ERCC6: variants seen among roughly 807,000 people sequenced by gnomAD.
ERCC6 encodes the protein ERCC excision repair 6, chromatin remodeling factor, also known as DNA excision repair protein ERCC-6.
In ERCC6, 116 loss-of-function variants were observed where a neutral mutation model predicts 158.7. That is an observed-to-expected ratio of 0.73 (90% CI 0.63 to 0.85). ERCC6 has a LOEUF of 0.85. Ranked by LOEUF, ERCC6 falls within the 40% of genes least tolerant of loss-of-function variation. The probability of loss-of-function intolerance (pLI) is 0.00; values close to 1 mark genes in which losing one functional copy is unlikely to be tolerated. For missense variants in ERCC6, 1,698 were observed against 1,799.4 expected (o/e 0.94, Z 1.02); for synonymous variants, 678 against 659.3 (o/e 1.03, Z -0.43).
intron 1 of ERCC6, among the ~76,000 whole-genome samples, chr10:49,535,599 G>A (rs1231832436): frequency 6.6e-6 from 1 of 152,006 alleles, no homozygotes; most frequent in Non-Finnish European, 1.5e-5. Flanking sequence ...ACACACATGA[G>A]GATTTCTTTT....
At chr10:49,497,529 G>C (rs1042374501) in intron 7 of ERCC6, among the ~76,000 whole-genome samples, 18 of 152,170 alleles carry the variant, frequency 1.2e-4, no homozygotes, top group African/African-American at 4.3e-4. Context: ...GCATTATCAA[G>C]ATGCCCTTTA....
intron 5 of ERCC6, among the ~76,000 whole-genome samples, chr10:49,509,366 C>T (rs749853726): frequency 3.9e-5 from 6 of 152,170 alleles, no homozygotes; most frequent in Non-Finnish European, 8.8e-5. Context: ...AAGCAAGTTA[C>T]GTATGTGGCC....
chr10:49,460,799 T>C (rs1053457668), intron 19 of ERCC6, among the ~76,000 whole-genome samples: 14 of 151,746 alleles, frequency 9.2e-5, no homozygotes, highest in African/African-American at 3.4e-4. Context: ...CGGGAGCCTG[T>C]AATCCCAGCT....
At chr10:49,494,565 C>G (rs1311693992) in intron 7 of ERCC6, among the ~76,000 whole-genome samples, 1 of 152,118 alleles carries the variant, frequency 6.6e-6, no homozygotes, top group East Asian at 1.9e-4. Flanking sequence ...AGGTGCCCTC[C>G]TTCTTCCTTA....
At chr10:49,464,154 A>G (rs566904880) in intron 18 of ERCC6, among the ~76,000 whole-genome samples, 1 of 152,312 alleles carries the variant, frequency 6.6e-6, no homozygotes, top group South Asian at 2.1e-4. Context: ...TATGAACAGT[A>G]AGGTCCAAAC....
chr10:49,476,336 T>A (rs774636240), intron 11 of ERCC6, 26 bp from the exon 12 acceptor site: 10 of 1,508,758 alleles, frequency 6.6e-6, no homozygotes, highest in Non-Finnish European at 9.2e-6. Context: ...ACAAGGAAAC[T>A]ATAATTTCAA....
Position 49,455,942 on chromosome 10 carries a change from C to A in ERCC6, c.*2873G>T, listed in dbSNP as rs543161974. The A allele has an allele frequency of 5.9e-5, 9 of 152,292 alleles. No homozygotes were observed. In the South Asian group the frequency reaches 1.9e-3, roughly 32 times the overall value. 9.4% of individuals were successfully genotyped at this position (152,292 alleles called of 1,614,324 possible). On this transcript the variant is annotated 3_prime_UTR_variant, in exon 21 of 21. Coordinates refer to ENST00000355832, the MANE Select transcript of ERCC6 (RefSeq NM_000124.4). ...TTTATGGAGGGTGAATTGATGCAAG[C>A]AATTCTGCTACATCCACTGACATTT...
chr10:49,470,261 C>T lies in ERCC6; in HGVS notation c.3699G>A (p.Lys1233=), dbSNP rs762588948. 3.7e-6 allele frequency: 6 copies of T among 1,614,054 alleles called. No homozygotes were observed. Among genetic ancestry groups the T allele is most frequent in the African/African-American group, 1.3e-5 (1 of 74,926 alleles). The change falls in exon 18 of 21, where the codon AAG becomes AAA. Residue 1233 remains lysine (K), a synonymous_variant. Coordinates refer to ENST00000355832, the MANE Select transcript of ERCC6 (RefSeq NM_000124.4). ...CCTCACTCTTGTTTTCACTGTCTTG[C>T]TTCTGGTAACGCCTTTTCTTCACCA... ...PHLVKKRRYQ[K]QDSENKSEAK...
At chr10:49,511,277 G>C (rs1564434064) in intron 5 of ERCC6, among the ~76,000 whole-genome samples, 1 of 151,998 alleles carries the variant, frequency 6.6e-6, no homozygotes, top group African/African-American at 2.4e-5. Context: ...CTTATGATGG[G>C]AAAAAAGTCT....
At chr10:49,482,666 A>G (rs1445750987) in intron 10 of ERCC6, 21 bp downstream of exon 10, 3 of 1,609,612 alleles carry the variant, frequency 1.9e-6, no homozygotes, top group African/African-American at 2.7e-5. Flanking sequence ...TGCCAAAAGT[A>G]TTATCATCCT....
chr10:49,518,373 C>T (rs1293812359), intron 5 of ERCC6, among the ~76,000 whole-genome samples: 1 of 152,260 alleles, frequency 6.6e-6, no homozygotes, highest in Non-Finnish European at 1.5e-5. Flanking sequence ...ACCCCTTCTC[C>T]TTCTCCAAGC....
At chr10:49,492,544 C>T (rs536370677) in intron 8 of ERCC6, among the ~76,000 whole-genome samples, 69 of 152,288 alleles carry the variant, frequency 4.5e-4, no homozygotes, top group Middle Eastern at 3.4e-3. Context: ...ATGCTACCCA[C>T]AGGAGCACAG....
At position 49,460,675 on chromosome 10, in the gene ERCC6, C is replaced by T. The variant is rs1850565872; in HGVS notation, c.3984-224G>A. On this transcript the variant is annotated intron_variant, in intron 19 of 20. Coordinates refer to ENST00000355832, the MANE Select transcript of ERCC6 (RefSeq NM_000124.4). ...GTGGCTCATGCCTGTAATCCCAACA[C>T]TTTGGGAGGCTGAGGCAGGCAGATC... 3.3e-5 allele frequency among the ~76,000 whole-genome samples: 5 copies of T among 152,144 alleles called. No individual in the cohort carries two copies. In the South Asian group the frequency reaches 1.0e-3, roughly 32 times the overall value.
At chr10:49,497,343 C>G (rs536980180) in intron 7 of ERCC6, among the ~76,000 whole-genome samples, 3 of 152,334 alleles carry the variant, frequency 2.0e-5, no homozygotes, top group African/African-American at 7.2e-5. Context: ...CAAAAGCTGT[C>G]TAAAATATTT....
chr10:49,461,074 T>C, intron 19 of ERCC6, among the ~76,000 whole-genome samples: 1 of 152,186 alleles, frequency 6.6e-6, no homozygotes, highest in East Asian at 1.9e-4. Context: ...GGTTTAATCA[T>C]TATCCTGTAT....
chr10:49,493,310 T>A, intron 7 of ERCC6, 58 bp from the exon 8 acceptor site: 2 of 1,603,890 alleles, frequency 1.2e-6, no homozygotes, highest in East Asian at 4.5e-5. Flanking sequence ...AGTCATCAAC[T>A]GCTCAAAAGA....
At chr10:49,488,068 C>T (rs974212555) in intron 8 of ERCC6, 4 of 160,032 alleles carry the variant, frequency 2.5e-5, no homozygotes, top group East Asian at 1.7e-4. Context: ...CAAATCATCT[C>T]GGGCGGTTTC....
chr10:49,460,346 G>A (rs1272927248), intron 20 of ERCC6, 27 bp downstream of exon 20: 1 of 1,536,810 alleles, frequency 6.5e-7, no homozygotes, highest in Admixed American at 1.7e-5. Flanking sequence ...GTCTCACCCT[G>A]GAAAGCAAAA....
chr10:49,445,740 G>A, the ERCC6 span, among the ~76,000 whole-genome samples: 2 of 152,172 alleles, frequency 1.3e-5, no homozygotes, highest in Admixed American at 6.5e-5. Flanking sequence ...GGCTACAAAC[G>A]AGAAAGAAAC....
Sources: allele counts gnomAD v4.1 joint callset (sites outside exome capture counted in the v4.1 genomes callset), GRCh38; gene constraint gnomAD v4.1.1; transcripts MANE v1.5; gene names NCBI Gene and HGNC (gene_info 2026-07-23, HGNC 2026-07-21).